Variants in TULP4 observed in about 807,000 individuals in gnomAD.
TULP4 encodes tubby-related protein 4.
A neutral mutation model predicts 129.0 loss-of-function variants in TULP4; 16 were observed. The ratio of observed to expected loss-of-function variants is 0.12; its 90% CI spans 0.08 to 0.19. The LOEUF (loss-of-function observed/expected upper bound fraction) is 0.19, where lower values mean the gene tolerates loss of function less well. Ranked by LOEUF, TULP4 falls within the 10% of genes least tolerant of loss-of-function variation. The probability of loss-of-function intolerance (pLI) is 1.00; values close to 1 mark genes in which losing one functional copy is unlikely to be tolerated. For synonymous variants in TULP4, 998 were observed against 854.0 expected (o/e 1.17, Z -2.94); for missense variants, 1,842 against 2,059.1 (o/e 0.89, Z 2.04).
At chr6:158,251,029 C>T (rs1471715948) in intron 1 of TULP4, among the ~76,000 whole-genome samples, 1 of 151,972 alleles carries the variant, frequency 6.6e-6, no homozygotes, top group Non-Finnish European at 1.5e-5. Context: ...TAGAGTGGAC[C>T]CCAGATGAGA....
intron 3 of TULP4, among the ~76,000 whole-genome samples, chr6:158,445,970 G>A (rs1465346622): frequency 6.6e-6 from 1 of 152,194 alleles, no homozygotes; most frequent in African/African-American, 2.4e-5. Flanking sequence ...GGGAGCACTA[G>A]CACGGAGAAT....
At chr6:158,383,588 A>G (rs1159179552) in intron 1 of TULP4, among the ~76,000 whole-genome samples, 1 of 152,218 alleles carries the variant, frequency 6.6e-6, no homozygotes, top group Non-Finnish European at 1.5e-5. Context: ...TGGACAGAAA[A>G]CTAGCCCACC....
chr6:158,506,658 A>G lies in TULP4; in HGVS notation c.4596A>G (p.Ala1532=). 6.2e-7 allele frequency: 1 copy of G among 1,613,978 alleles called. No homozygotes were observed. The highest frequency in any genetic ancestry group is 8.5e-7 in the Non-Finnish European group (1 of 1,179,834). ...QYPFSAVQAF[A]VALANVTQRL... is the part of the protein sequence containing the mutation. ...CGTTCTCAGCCGTGCAGGCCTTTGC[A>G]GTTGCCCTGGCCAACGTGACTCAGC... The change falls in exon 14 of 14, where the codon GCA becomes GCG. Residue 1532 remains alanine, a synonymous_variant. Coordinates refer to ENST00000367097, the MANE Select transcript of TULP4 (RefSeq NM_020245.5).
intron 1 of TULP4, among the ~76,000 whole-genome samples, chr6:158,392,824 T>C (rs1391205726): frequency 7.2e-6 from 1 of 138,538 alleles, no homozygotes; most frequent in African/African-American, 2.8e-5. Flanking sequence ...TTTTTTGAGA[T>C]GGAGTCTCGC....
At chr6:158,344,163 C>A (rs143892950) in intron 1 of TULP4, among the ~76,000 whole-genome samples, 2 of 152,214 alleles carry the variant, frequency 1.3e-5, no homozygotes, top group African/African-American at 4.8e-5. Flanking sequence ...AGATCCACCC[C>A]CTGCCCGCAA....
intron 1 of TULP4, among the ~76,000 whole-genome samples, chr6:158,243,435 G>T (rs970889824): frequency 1.4e-5 from 2 of 144,992 alleles, no homozygotes; most frequent in African/African-American, 2.5e-5. Context: ...GTGTGTGTGT[G>T]TGTGTTTATA....
chr6:158,245,429 A>G (rs879532098), intron 1 of TULP4, among the ~76,000 whole-genome samples: 5 of 151,994 alleles, frequency 3.3e-5, no homozygotes, highest in Non-Finnish European at 5.9e-5. Context: ...TGGAAAGGGA[A>G]TGATAAGGAT....
At chr6:158,434,237 T>C (rs992890361) in intron 3 of TULP4, among the ~76,000 whole-genome samples, 13 of 152,202 alleles carry the variant, frequency 8.5e-5, no homozygotes, top group South Asian at 2.1e-4. Flanking sequence ...ATTCAACATA[T>C]GAGTTTTGGG....
intron 1 of TULP4, among the ~76,000 whole-genome samples, chr6:158,362,618 G>C (rs575483512): frequency 6.6e-6 from 1 of 152,302 alleles, no homozygotes; most frequent in South Asian, 2.1e-4. Context: ...CCAAAGTGTT[G>C]AGGTTACAGA....
intron 1 of TULP4, among the ~76,000 whole-genome samples, chr6:158,294,252 A>G (rs138104722): frequency 0.031 from 4,640 of 151,978 alleles, 94 homozygotes; most frequent in Non-Finnish European, 0.041. Flanking sequence ...TAGTCCAGCT[A>G]TTTGGGAGGC....
At chr6:158,305,995 T>C (rs1299214758) in intron 1 of TULP4, among the ~76,000 whole-genome samples, 1 of 152,206 alleles carries the variant, frequency 6.6e-6, no homozygotes, top group Non-Finnish European at 1.5e-5. Context: ...GTTAATGGTA[T>C]TGATAAAATT....
chr6:158,421,239 G>A lies in TULP4; in HGVS notation c.381+8046G>A, dbSNP rs184586368. On this transcript the variant is annotated intron_variant, in intron 2 of 13. Transcript: ENST00000367097. ...TAGCCAGGCGTGGTGGCACGCGCCT[G>A]TAGTCCCAGCTACTCGGGAGGCTGA... is the stretch of plus-strand genomic sequence containing the variant. 1.9e-4 allele frequency among the ~76,000 whole-genome samples: 29 copies of A among 152,252 alleles called. No individual in the cohort carries two copies. In the East Asian group the frequency reaches 3.9e-3, roughly 20 times the overall value.
chr6:158,301,356 C>T (rs1779127869), intron 1 of TULP4, among the ~76,000 whole-genome samples: 1 of 151,456 alleles, frequency 6.6e-6, no homozygotes, highest in Non-Finnish European at 1.5e-5. Flanking sequence ...TTTGGTCAAT[C>T]AAGTGACCAC....
chr6:158,274,121 G>T (rs546905013), intron 1 of TULP4, among the ~76,000 whole-genome samples: 1 of 152,202 alleles, frequency 6.6e-6, no homozygotes, highest in East Asian at 1.9e-4. Context: ...AGCTGGGCAT[G>T]GTGGCGGGCA....
At position 158,313,943 on chromosome 6, in the gene TULP4, C is replaced by A; in HGVS notation, c.-74C>A. The A allele has an allele frequency of 6.5e-7, 1 of 1,549,040 alleles. No individual in the cohort carries two copies. ...CAAGCCAACCACAAAAACACATATA[C>A]CAATGAAAGAAATTGGTTTAAATTT... On this transcript the variant is annotated 5_prime_UTR_variant, in exon 1 of 14. Transcript: ENST00000367097.
intron 7 of TULP4, 81 bp downstream of exon 7, chr6:158,480,056 G>C: frequency 4.3e-6 from 5 of 1,159,890 alleles, no homozygotes; most frequent in South Asian, 1.4e-5. Context: ...ACAGGTGAGG[G>C]TACCAGAGTG....
chr6:158,444,108 T>C (rs946555823), intron 3 of TULP4, among the ~76,000 whole-genome samples: 7 of 151,260 alleles, frequency 4.6e-5, no homozygotes, highest in Non-Finnish European at 8.8e-5. Flanking sequence ...TAGTCCCAGC[T>C]ACTCGGGAGG....
Position 158,493,787 on chromosome 6 carries a change from C to A in TULP4, c.1776+70C>A. The A allele has an allele frequency of 6.8e-7, 1 of 1,461,354 alleles. No homozygotes were observed. The highest frequency in any genetic ancestry group is 9.1e-7 in the Non-Finnish European group (1 of 1,102,386). The allele number at this position is 1,461,354 out of a possible 1,614,324, so 90.5% of individuals were successfully genotyped here. On this transcript the variant is annotated intron_variant, in intron 10 of 13. Transcript: ENST00000367097. The surrounding 1 kb of genome is among the most constrained non-coding windows in gnomAD (Gnocchi z 4.4). The stretch of plus-strand genomic sequence containing the variant: ...GCTATGCCCAGAGGGCCCCTTCCTA[C>A]CCGCCGCCTGCACTGCTCACTGCCA...
At chr6:158,378,485 T>TTTTTTTTGTTTTG (rs1554285635) in intron 1 of TULP4, among the ~76,000 whole-genome samples, 1 of 51,288 alleles carries the variant, frequency 1.9e-5, no homozygotes. Context: ...TTTTTTTTTT[T>TTTTTTTTGTTTTG]GGTGGGGGTG....
Sources: allele counts gnomAD v4.1 joint callset (sites outside exome capture counted in the v4.1 genomes callset), GRCh38; gene constraint gnomAD v4.1.1; non-coding constraint Gnocchi (gnomAD v3.1); transcripts MANE v1.5; gene names NCBI Gene and HGNC (gene_info 2026-07-23, HGNC 2026-07-21).